Variants in NUTM2G observed in about 807,000 individuals in gnomAD.
NUTM2G encodes the protein family with sequence similarity 22, member G.
A neutral mutation model predicts 44.3 loss-of-function variants in NUTM2G; 29 were observed. The observed-to-expected ratio is 0.66, with a 90% CI of 0.49 to 0.89. The LOEUF (loss-of-function observed/expected upper bound fraction) is 0.89. Ranked by LOEUF, NUTM2G falls within the 40% of genes least tolerant of loss-of-function variation. The pLI, the probability that NUTM2G is intolerant of heterozygous loss-of-function variation, is 0.00. For synonymous variants in NUTM2G, 205 were observed against 395.9 expected (o/e 0.52, Z 5.72); for missense variants, 502 against 946.5 (o/e 0.53, Z 6.16).
intron 2 of NUTM2G, among the ~76,000 whole-genome samples, chr9:96,933,323 T>C (rs1826330132): frequency 6.6e-6 from 1 of 151,448 alleles, no homozygotes; most frequent in Admixed American, 6.6e-5. Context: ...AAGACCCAGG[T>C]CAGAGAGGGT....
At position 96,935,467 on chromosome 9, in the gene NUTM2G, G is replaced by T. The variant is rs1221375106; in HGVS notation, c.842+11G>T. 6 of 1,612,048 alleles carry T rather than the reference G, an allele frequency of 3.7e-6. No homozygotes were observed. In the South Asian group the frequency reaches 6.6e-5, roughly 18 times the overall value. On this transcript the variant is annotated intron_variant, in intron 3 of 6. Transcript: ENST00000372322. ...CGAGATGGCGGCAAAGTGAGTCTGG[G>T]GTCCTGGGGGCAGGGCCCGTGTGGC...
rs7866127 is a variant in NUTM2G, at chr9:96,937,203, G to C, written c.1122G>C (p.Glu374Asp). The C allele has an allele frequency of 0.12, 192,317 of 1,612,798 alleles. 12,825 individuals carry two copies. The highest frequency in any genetic ancestry group is 0.24 in the Admixed American group (14,570 of 60,006). ...PRPAETKVPE[E>D]IPPEVVQEYV... ...CAGCAGAGACCAAGGTCCCTGAGGA[G>C]ATCCCCCCTGAAGTGGTGCAGGAGT... The change falls in exon 5 of 7, where the codon GAG (glutamate) becomes GAC (aspartate). Residue 374 changes from glutamate (E) to aspartate (D), a missense_variant. Transcript: ENST00000372322.
chr9:96,938,845 A>G lies in NUTM2G; in HGVS notation c.1922A>G (p.Gln641Arg). ...AGGCTGAGGCCCTGGAGGCTGTCCC[A>G]GAGCCCTGTCCCTTCCTCGGGCCTT... ...HHRLRPWRLSQSPVPSSGLLS... is the reference protein window; with the variant it reads ...HHRLRPWRLSRSPVPSSGLLS... Residue 641 changes from glutamine (Q) to arginine (R), a missense_variant, in exon 7 of 7, where the codon CAG (glutamine) becomes CGG (arginine). Transcript: ENST00000372322. The G allele has an allele frequency of 1.9e-6, 3 of 1,547,466 alleles. No homozygotes were observed. The highest frequency in any genetic ancestry group is 2.6e-6 in the Non-Finnish European group (3 of 1,150,906).
intron 1 of NUTM2G, among the ~76,000 whole-genome samples, chr9:96,930,025 G>A (rs529878058): frequency 5.8e-4 from 88 of 152,140 alleles, no homozygotes; most frequent in East Asian, 3.3e-3. Flanking sequence ...AGGTGCATGC[G>A]CTGTATCCCT....
In NUTM2G at chr9:96,938,850, C is replaced by G. The variant is rs1159023251; in HGVS notation, c.1927C>G (p.Pro643Ala). Residue 643 changes from proline to alanine, a missense_variant, in exon 7 of 7, where the codon CCT (proline) becomes GCT (alanine). Pro to Ala is a conservative substitution (Grantham distance 27, BLOSUM62 -1). Transcript: ENST00000372322. Reference protein sequence around the residue: ...RLRPWRLSQSPVPSSGLLSPG... With the variant: ...RLRPWRLSQSAVPSSGLLSPG... ...GAGGCCCTGGAGGCTGTCCCAGAGC[C>G]CTGTCCCTTCCTCGGGCCTTCTCAG... is the stretch of plus-strand genomic sequence containing the variant. The G allele has an allele frequency of 6.5e-7, 1 of 1,549,688 alleles. No homozygotes were observed. The highest frequency in any genetic ancestry group is 8.7e-7 in the Non-Finnish European group (1 of 1,152,694).
In NUTM2G at chr9:96,937,353, C is replaced by A. The variant is rs760598267; in HGVS notation, c.1272C>A (p.Gly424=). The A allele has an allele frequency of 1.2e-5, 20 of 1,613,758 alleles. No homozygotes were observed. The highest frequency in any genetic ancestry group is 1.7e-5 in the Admixed American group (1 of 60,000). The part of the protein sequence containing the change: ...QEEDGMTSDP[G]LLSYIDKLCS... ...AGGACGGGATGACCTCAGACCCGGGCCTCCTGAGCTACATTGACAAGCTGT... is the reference window on the plus strand; with the variant it reads ...AGGACGGGATGACCTCAGACCCGGGACTCCTGAGCTACATTGACAAGCTGT... The change falls in exon 5 of 7, where the codon GGC becomes GGA. Residue 424 remains glycine, a synonymous_variant. Coordinates refer to ENST00000372322, the MANE Select transcript of NUTM2G (RefSeq NM_001170741.3).
At chr9:96,933,346 G>A (rs1228620933) in intron 2 of NUTM2G, among the ~76,000 whole-genome samples, 11 of 151,580 alleles carry the variant, frequency 7.3e-5, no homozygotes, top group Admixed American at 5.3e-4. Flanking sequence ...TTGGTGTGAC[G>A]TGAGCCACGG....
chr9:96,940,721 CTCT>C (rs1826570656), downstream of NUTM2G, among the ~76,000 whole-genome samples: 1 of 152,132 alleles, frequency 6.6e-6, no homozygotes, highest in Non-Finnish European at 1.5e-5. Context: ...GGGCAAAGCT[CTCT>C]GGTATATGGC....
intron 1 of NUTM2G, among the ~76,000 whole-genome samples, chr9:96,930,393 G>A (rs891238772): frequency 1.3e-5 from 2 of 152,136 alleles, no homozygotes; most frequent in African/African-American, 2.4e-5. Flanking sequence ...GCATGGTGGC[G>A]GGAGCCTGTA....
chr9:96,935,873 G>T lies in NUTM2G; in HGVS notation c.842+417G>T, dbSNP rs577446102. 3.3e-5 allele frequency among the ~76,000 whole-genome samples: 5 copies of T among 152,070 alleles called. No homozygotes were observed. The East Asian group carries it at 7.7e-4, about 24-fold the overall frequency. On this transcript the variant is annotated intron_variant, in intron 3 of 6. Coordinates refer to ENST00000372322, the MANE Select transcript of NUTM2G (RefSeq NM_001170741.3). The stretch of plus-strand genomic sequence containing the variant: ...GCCTGGCCAGGGAGTTGGGTCAGGG[G>T]AGACCTGTACCTGGGACACCATGAG...
At position 96,931,745 on chromosome 9, in the gene NUTM2G, G is replaced by A. The variant is rs762228329; in HGVS notation, c.40G>A (p.Val14Met). The change falls in exon 2 of 7, where the codon GTG becomes ATG. Residue 14 changes from valine to methionine, a missense_variant. Physicochemically the swap from Val to Met is conservative, Grantham distance 21. Transcript: ENST00000372322. ...NGAYPVLGPGVTVNPGTSLSV... is the reference protein window; with the variant it reads ...NGAYPVLGPGMTVNPGTSLSV... ...AGCATACCCAGTGCTGGGACCCGGC[G>A]TGACCGTGAACCCTGGCACCTCCCT... 13 of 1,611,424 alleles carry A rather than the reference G, an allele frequency of 8.1e-6. No homozygotes were observed. The highest frequency in any genetic ancestry group is 3.3e-5 in the Admixed American group (2 of 59,994).
intron 1 of NUTM2G, among the ~76,000 whole-genome samples, chr9:96,931,309 C>A (rs1411909865): frequency 6.6e-6 from 1 of 151,380 alleles, no homozygotes; most frequent in South Asian, 2.1e-4. Flanking sequence ...GGTTTCCTGT[C>A]GGCCTTCTGA....
At chr9:96,936,303 A>G in intron 3 of NUTM2G, 122 bp from the exon 4 acceptor site, 3 of 1,516,338 alleles carry the variant, frequency 2.0e-6, no homozygotes, top group Non-Finnish European at 2.6e-6. Flanking sequence ...GATGGGTCCC[A>G]GTGAGGGCCT....
rs769639607 is a variant in NUTM2G, at chr9:96,938,669, G to A, written c.1746G>A (p.Gln582=). Residue 582 remains glutamine, a synonymous_variant, in exon 7 of 7, where the codon CAG becomes CAA. Transcript: ENST00000372322. ...CTGTCCGGCCAACCTCTCCTCCCCAGGACCACAGACCCACCTGCCCCGGCC... is the reference window on the plus strand; with the variant it reads ...CTGTCCGGCCAACCTCTCCTCCCCAAGACCACAGACCCACCTGCCCCGGCC... ...LKAVRPTSPP[Q]DHRPTCPGLG... The A allele has an allele frequency of 1.2e-6, 2 of 1,605,298 alleles. No homozygotes were observed. Among genetic ancestry groups the A allele is most frequent in the Admixed American group, 3.3e-5 (2 of 59,804 alleles).
chr9:96,940,691 C>T (rs1411463854), downstream of NUTM2G, among the ~76,000 whole-genome samples: 1 of 152,138 alleles, frequency 6.6e-6, no homozygotes. Flanking sequence ...TGGGAGTTGG[C>T]CCAGCAGCAG....
intron 1 of NUTM2G, among the ~76,000 whole-genome samples, chr9:96,931,324 C>T (rs914559407): frequency 6.6e-6 from 1 of 151,582 alleles, no homozygotes; most frequent in Non-Finnish European, 1.5e-5. Context: ...TTCTGAATGC[C>T]GAGCACTGCC....
At chr9:96,935,282 A>T in intron 2 of NUTM2G, 46 bp from the exon 3 acceptor site, 1 of 1,611,126 alleles carries the variant, frequency 6.2e-7, no homozygotes, top group Non-Finnish European at 8.5e-7. Flanking sequence ...TGGGCCCGGG[A>T]TGGAGGGTGG....
chr9:96,936,383 C>T, intron 3 of NUTM2G, 42 bp from the exon 4 acceptor site: 1 of 1,552,358 alleles, frequency 6.4e-7, no homozygotes, highest in South Asian at 1.2e-5. Flanking sequence ...GGGGAGGGGG[C>T]CTGGACCCTC....
chr9:96,930,145 C>T (rs1826192416), intron 1 of NUTM2G, among the ~76,000 whole-genome samples: 2 of 151,614 alleles, frequency 1.3e-5, no homozygotes, highest in African/African-American at 2.4e-5. Flanking sequence ...TTCGTTGGTC[C>T]CTATGTTCAG....
Sources: gnomAD v4.1 joint callset for allele counts (sites outside exome capture counted in the v4.1 genomes callset) on GRCh38, gnomAD v4.1.1 for gene constraint, MANE v1.5 for transcripts, NCBI Gene and HGNC (gene_info 2026-07-23, HGNC 2026-07-21) for gene names.